The following RABGEF1 variants were observed in gnomAD, a reference collection of about 807,000 sequenced individuals.
RABGEF1 encodes rab5 GDP/GTP exchange factor.
In RABGEF1, 26 loss-of-function variants were observed where a neutral mutation model predicts 57.3. The observed-to-expected ratio is 0.45, with a 90% CI of 0.33 to 0.63. The LOEUF is 0.63. RABGEF1 is among the 20% of genes least tolerant of loss of function. The pLI, the probability that RABGEF1 is intolerant of heterozygous loss-of-function variation, is 0.02. For synonymous variants in RABGEF1, 185 were observed against 210.7 expected (o/e 0.88, Z 1.06); for missense variants, 464 against 607.6 (o/e 0.76, Z 2.48).
At chr7:66,674,727 T>C in the RABGEF1 span, among the ~76,000 whole-genome samples, 4 of 152,118 alleles carry the variant, frequency 2.6e-5, no homozygotes, top group Admixed American at 2.6e-4. Flanking sequence ...ATTCTATTTA[T>C]ATAAATTTCA....
At chr7:66,761,556 G>A (rs981128964) in intron 1 of RABGEF1, among the ~76,000 whole-genome samples, 2 of 152,214 alleles carry the variant, frequency 1.3e-5, no homozygotes, top group African/African-American at 4.8e-5. Flanking sequence ...GTGTTCAGCT[G>A]TCTGAAAGCT....
chr7:66,679,454 A>G (rs556047115), upstream of RABGEF1, among the ~76,000 whole-genome samples: 18 of 152,094 alleles, frequency 1.2e-4, no homozygotes, highest in Non-Finnish European at 2.5e-4. Context: ...GACTACAGGT[A>G]TAGGCCACCA....
intron 1 of RABGEF1, chr7:66,769,067 T>C (rs1344047315): frequency 6.6e-6 from 1 of 152,186 alleles, no homozygotes; most frequent in Admixed American, 6.6e-5. Context: ...CTGTTAGGAG[T>C]TCCCTTTCAC....
At chr7:66,757,847 G>A (rs1175340097) in intron 1 of RABGEF1, among the ~76,000 whole-genome samples, 5 of 152,146 alleles carry the variant, frequency 3.3e-5, no homozygotes, top group African/African-American at 7.2e-5. Context: ...TTCTGACCTC[G>A]TGATCCGCCC....
chr7:66,755,839 G>A, intron 1 of RABGEF1: 2 of 436,040 alleles, frequency 4.6e-6, no homozygotes, highest in South Asian at 4.0e-5. Flanking sequence ...GCTCATTCCA[G>A]CAGCAATCAA....
rs1792493674 is a variant in RABGEF1, at chr7:66,697,282, C to T, written c.-872-14885C>T. 2.6e-5 allele frequency among the ~76,000 whole-genome samples: 4 copies of T among 152,188 alleles called. No individual in the cohort carries two copies. In the South Asian group the frequency reaches 8.3e-4, roughly 31 times the overall value. On this transcript the variant is annotated intron_variant and NMD_transcript_variant, in intron 1 of 9. Transcript: ENST00000607882. ...CTACTTCCCCACCTGGAGAATGGGGCCTCAGCCTCCATGTGCTGTAGGGGG... is the reference window on the plus strand; with the variant it reads ...CTACTTCCCCACCTGGAGAATGGGGTCTCAGCCTCCATGTGCTGTAGGGGG...
At chr7:66,796,852 A>G (rs1380580717) in intron 5 of RABGEF1, 1 of 420,102 alleles carries the variant, frequency 2.4e-6, no homozygotes. Context: ...CAGCCTCCCA[A>G]AGTGCTGGGA....
At chr7:66,672,148 C>G in the RABGEF1 span, among the ~76,000 whole-genome samples, 1 of 151,732 alleles carries the variant, frequency 6.6e-6, no homozygotes, top group Non-Finnish European at 1.5e-5. Context: ...CCTGGCCGGG[C>G]ACGGTGGCTC....
chr7:66,683,448 C>T (rs1316638733), intron 1 of RABGEF1, among the ~76,000 whole-genome samples: 1 of 152,146 alleles, frequency 6.6e-6, no homozygotes, highest in Non-Finnish European at 1.5e-5. Context: ...ATTTAATGAC[C>T]TTTCCAATCA....
At chr7:66,738,731 CAA>C (rs546724986), upstream of RABGEF1, among the ~76,000 whole-genome samples, 27 of 94,940 alleles carry the variant, frequency 2.8e-4, no homozygotes, top group Admixed American at 5.5e-4. Context: ...GACTCTAACT[CAA>C]AAAAAAAAAA....
chr7:66,779,251 C>T (rs1018266724), intron 3 of RABGEF1, among the ~76,000 whole-genome samples: 3 of 152,080 alleles, frequency 2.0e-5, no homozygotes, highest in African/African-American at 7.2e-5. Flanking sequence ...CGCTTATGAT[C>T]CCAGCACTTT....
chr7:66,753,064 G>A (rs565293347), intron 1 of RABGEF1, among the ~76,000 whole-genome samples: 13 of 152,338 alleles, frequency 8.5e-5, no homozygotes, highest in African/African-American at 3.1e-4. Flanking sequence ...TATAATGGCT[G>A]TATTTATAAA....
chr7:66,773,110 A>G (rs1295218373), intron 2 of RABGEF1, among the ~76,000 whole-genome samples: 3 of 147,322 alleles, frequency 2.0e-5, no homozygotes, highest in Admixed American at 2.0e-4. Context: ...CAGTCAGCCA[A>G]TATTTGTTGA....
chr7:66,691,497 TG>T (rs1791512057), intron 1 of RABGEF1, among the ~76,000 whole-genome samples: 1 of 152,050 alleles, frequency 6.6e-6, no homozygotes, highest in Non-Finnish European at 1.5e-5. Flanking sequence ...TGAAAAAAAT[TG>T]GACCCAAAAA....
chr7:66,788,355 G>C (rs1217346322), intron 4 of RABGEF1, among the ~76,000 whole-genome samples: 2 of 151,930 alleles, frequency 1.3e-5, no homozygotes, highest in Non-Finnish European at 2.9e-5. Context: ...TGAGGGAGAA[G>C]AATCACTTGA....
intron 7 of RABGEF1, among the ~76,000 whole-genome samples, chr7:66,801,653 G>A (rs1277841216): frequency 6.6e-6 from 1 of 152,100 alleles, no homozygotes; most frequent in Non-Finnish European, 1.5e-5. Flanking sequence ...TTCTGTGCCT[G>A]GCTTATTTCA....
intron 1 of RABGEF1, among the ~76,000 whole-genome samples, chr7:66,687,097 G>C (rs1308125851): frequency 7.0e-6 from 1 of 142,288 alleles, no homozygotes; most frequent in Non-Finnish European, 1.5e-5. Context: ...CTGAGATTAC[G>C]AGCCACCACG....
At chr7:66,658,810 A>G in the RABGEF1 span, among the ~76,000 whole-genome samples, 2 of 152,028 alleles carry the variant, frequency 1.3e-5, no homozygotes, top group Non-Finnish European at 2.9e-5. Context: ...ATCTTGGCTC[A>G]CTGCAAGCTC....
chr7:66,688,049 C>T (rs1790947654), intron 1 of RABGEF1, among the ~76,000 whole-genome samples: 1 of 138,482 alleles, frequency 7.2e-6, no homozygotes, highest in Admixed American at 7.8e-5. Context: ...CGTGTTATTG[C>T]ACTCCAGCCT....
Sources: allele counts gnomAD v4.1 joint callset (sites outside exome capture counted in the v4.1 genomes callset), GRCh38; gene constraint gnomAD v4.1.1; transcripts MANE v1.5; gene names NCBI Gene and HGNC (gene_info 2026-07-23, HGNC 2026-07-21).